Variants in NEAT1 observed in about 807,000 individuals in gnomAD.
NEAT1 encodes MENepsilon/beta.
At chr11:65,423,426 C>G (rs2134883753) in exon 1 of NEAT1, 1 of 152,066 alleles carries the variant, frequency 6.6e-6, no homozygotes. Flanking sequence ...CCAGGCCGGG[C>G]CCAGCCTGGT....
chr11:65,437,216 T>TATATATATAC (rs1856667939), exon 1 of NEAT1: 1 of 142,830 alleles, frequency 7.0e-6, no homozygotes, highest in South Asian at 2.1e-4. Flanking sequence ...TATATGTATA[T>TATATATATAC]ATATATATAT....
exon 1 of NEAT1, chr11:65,432,012 C>T (rs1457973825): frequency 6.6e-6 from 1 of 152,092 alleles, no homozygotes; most frequent in South Asian, 2.1e-4. Context: ...TTATAAGGTA[C>T]TTTTAAGGTA....
chr11:65,440,245 C>G (rs968714778), exon 1 of NEAT1: 1 of 150,878 alleles, frequency 6.6e-6, no homozygotes, highest in African/African-American at 2.4e-5. Flanking sequence ...TAATGGAATA[C>G]TAAGTCCCTC....
exon 1 of NEAT1, chr11:65,442,126 A>G (rs1024287437): frequency 7.1e-5 from 10 of 140,750 alleles, no homozygotes; most frequent in African/African-American, 2.6e-4. Flanking sequence ...CAGAGTTTTG[A>G]TTTTTTTTTT....
chr11:65,444,453 C>G, exon 1 of NEAT1: 1 of 472,460 alleles, frequency 2.1e-6, no homozygotes, highest in Non-Finnish European at 4.4e-6. Flanking sequence ...CTCTGAGCCT[C>G]TGCTTCCCAT....
chr11:65,436,717 G>A (rs1856660736), exon 1 of NEAT1: 2 of 152,202 alleles, frequency 1.3e-5, no homozygotes, highest in African/African-American at 2.4e-5. Flanking sequence ...TTCAACATCT[G>A]TGTGGTAGCC....
At chr11:65,437,160 A>T (rs1203127292) in exon 1 of NEAT1, 1 of 145,530 alleles carries the variant, frequency 6.9e-6, no homozygotes, top group Admixed American at 6.9e-5. Flanking sequence ...TTTAAGTTTT[A>T]TTGTAATATT....
At chr11:65,423,547 T>G (rs913791784) in exon 1 of NEAT1, 1 of 152,270 alleles carries the variant, frequency 6.6e-6, no homozygotes. Flanking sequence ...GTGCGGCACC[T>G]AGCATGTTTG....
At chr11:65,429,212 A>C (rs1200233674) in exon 1 of NEAT1, 1 of 152,160 alleles carries the variant, frequency 6.6e-6, no homozygotes, top group Non-Finnish European at 1.5e-5. Context: ...GGGAATGCTG[A>C]ATACATACAT....
chr11:65,444,384 G>T (rs1053846487), exon 1 of NEAT1: 1 of 459,806 alleles, frequency 2.2e-6, no homozygotes. Flanking sequence ...AGGATGAGTA[G>T]AAGGCACCCA....
chr11:65,437,176 CTTTAG>C (rs1158397857), exon 1 of NEAT1: 4 of 140,720 alleles, frequency 2.8e-5, no homozygotes, highest in South Asian at 2.2e-4. Flanking sequence ...ATATTTTGCT[CTTTAG>C]TTTATATATA....
At chr11:65,423,345 A>T (rs1856520443) in exon 1 of NEAT1, 1 of 152,178 alleles carries the variant, frequency 6.6e-6, no homozygotes, top group Admixed American at 6.5e-5. Flanking sequence ...TGTGGAACTG[A>T]ACTTAGCTCG....
At chr11:65,429,151 C>T (rs986781684) in exon 1 of NEAT1, 1 of 151,944 alleles carries the variant, frequency 6.6e-6, no homozygotes, top group Non-Finnish European at 1.5e-5. Context: ...ATAATACTTG[C>T]GATGACTTTC....
chr11:65,441,122 C>T (rs954775879), exon 1 of NEAT1: 1 of 151,994 alleles, frequency 6.6e-6, no homozygotes, highest in African/African-American at 2.4e-5. Flanking sequence ...TCAAACCTAT[C>T]CGTTGGTTTG....
exon 1 of NEAT1, chr11:65,435,892 A>C (rs1856653961): frequency 1.3e-5 from 2 of 152,226 alleles, no homozygotes; most frequent in Non-Finnish European, 2.9e-5. Context: ...TAAACCAAAA[A>C]CAAACTATTC....
At chr11:65,426,349 T>C (rs1856561625) in exon 1 of NEAT1, 1 of 152,194 alleles carries the variant, frequency 6.6e-6, no homozygotes, top group Non-Finnish European at 1.5e-5. Context: ...TAGTCACGCA[T>C]GTATGGGGAA....
exon 1 of NEAT1, chr11:65,426,159 C>T (rs1856559568): frequency 6.6e-6 from 1 of 152,230 alleles, no homozygotes; most frequent in East Asian, 1.9e-4. Context: ...TCATTTCCTT[C>T]TTCCCTTTAA....
chr11:65,424,300 C>T (rs1461614803), exon 1 of NEAT1: 1 of 152,196 alleles, frequency 6.6e-6, no homozygotes, highest in Non-Finnish European at 1.5e-5. Context: ...AGGCACCCCT[C>T]CTTTCCTGGG....
At chr11:65,434,604 C>A (rs943829162) in exon 1 of NEAT1, 16 of 152,068 alleles carry the variant, frequency 1.1e-4, no homozygotes, top group Non-Finnish European at 1.6e-4. Flanking sequence ...TTTGATATTA[C>A]AAACAGTTCT....
Sources: allele counts gnomAD v4.1 joint callset, GRCh38; gene constraint gnomAD v4.1.1; transcripts MANE v1.5; gene names NCBI Gene and HGNC (gene_info 2026-07-23, HGNC 2026-07-21).